The following RGMA variants were observed in gnomAD, a reference collection of about 807,000 sequenced individuals.
The protein encoded by RGMA is repulsive guidance molecule A.
RGMA carries 10 observed loss-of-function variants against 23.2 expected under a neutral mutation model. The observed-to-expected ratio is 0.43, with a 90% CI of 0.27 to 0.73. The LOEUF is 0.73. Ranked by LOEUF, RGMA falls within the 30% of genes least tolerant of loss-of-function variation. RGMA has a pLI of 0.20. For missense variants in RGMA, 547 were observed against 630.5 expected (o/e 0.87, Z 1.42); for synonymous variants, 308 against 279.3 (o/e 1.10, Z -1.03).
rs1054365323 is a variant in RGMA at position 93,052,591 on chromosome 15, C to T, written c.131-84G>A. 1.1e-5 allele frequency: 15 copies of T among 1,380,212 alleles called. No individual in the cohort carries two copies. In the African/African-American group the frequency reaches 2.0e-4, roughly 19 times the overall value. The allele number at this position is 1,380,212 out of a possible 1,614,324, so 85.5% of individuals were successfully genotyped here. A position where few individuals can be genotyped will look rare whatever the true frequency, so the allele number is the denominator to read the frequency against. On this transcript the variant is annotated intron_variant, in intron 2 of 3. Coordinates refer to ENST00000329082, the MANE Select transcript of RGMA (RefSeq NM_020211.3). Reference sequence around the variant, plus strand: ...TACCATCTGTGGGCCAGGGGAGCAGCCACACATCGCCTCATCTAGGGCAGA... The same window carrying T: ...TACCATCTGTGGGCCAGGGGAGCAGTCACACATCGCCTCATCTAGGGCAGA...
At chr15:93,073,286 G>A (rs1320329117) in intron 1 of RGMA, 8 of 812,890 alleles carry the variant, frequency 9.8e-6, no homozygotes, top group Non-Finnish European at 1.3e-5. Context: ...GTTTCAGCGA[G>A]GCCGGCGAGG....
rs1029746501 is a variant in RGMA at position 93,056,726 on chromosome 15, G to T, written c.131-4219C>A. ...CACAGGCCCTGAAGGGAGGTGTCTG[G>T]TTCAAAGTCCCACTCTGTCCCCTAC... On this transcript the variant is annotated intron_variant, in intron 2 of 3. Transcript: ENST00000329082. 3.3e-5 allele frequency among the ~76,000 whole-genome samples: 5 copies of T among 152,114 alleles called. No individual in the cohort carries two copies. The East Asian group carries it at 9.6e-4, about 29-fold the overall frequency.
chr15:93,087,648 A>G (rs1895660584), intron 1 of RGMA, among the ~76,000 whole-genome samples: 2 of 152,092 alleles, frequency 1.3e-5, no homozygotes. Context: ...TGCACAGGAG[A>G]AGACAGAGGT....
At position 93,045,247 on chromosome 15, in the gene RGMA, C is replaced by T. The variant is rs763738089; in HGVS notation, c.1104G>A (p.Leu368=). 2.5e-6 allele frequency: 4 copies of T among 1,613,108 alleles called. No homozygotes were observed. Among genetic ancestry groups the T allele is most frequent in the Non-Finnish European group, 3.4e-6 (4 of 1,179,746 alleles). The change falls in exon 4 of 4, where the codon CTG becomes CTA. Residue 368 remains leucine, a synonymous_variant. Coordinates refer to ENST00000329082, the MANE Select transcript of RGMA (RefSeq NM_020211.3). This position sits in a 1 kb window ranked among gnomAD's most constrained non-coding sequence, Gnocchi z 6.9. ...CCTGGTAGTACAGGTCCTCCACCGG[C>T]AGCTTCTCCTTGCACTTGGCCACGG... ...ETAVAKCKEK[L]PVEDLYYQAC...
At chr15:93,083,931 G>T (rs192135317) in intron 1 of RGMA, among the ~76,000 whole-genome samples, 50 of 152,146 alleles carry the variant, frequency 3.3e-4, no homozygotes, top group Non-Finnish European at 6.5e-4. Context: ...CTAGGAAAAT[G>T]CAATTGCACA....
In RGMA at chr15:93,044,908, G is replaced by A. The variant is rs993187372; in HGVS notation, c.*90C>T. The A allele has an allele frequency of 1.1e-5, 12 of 1,123,166 alleles. No individual in the cohort carries two copies. The highest frequency in any genetic ancestry group is 3.1e-5 in the African/African-American group (2 of 63,832). 69.6% of individuals were successfully genotyped at this position (1,123,166 alleles called of 1,614,324 possible). On this transcript the variant is annotated 3_prime_UTR_variant, in exon 4 of 4. Coordinates refer to ENST00000329082, the MANE Select transcript of RGMA (RefSeq NM_020211.3). ...CGTTCTGCGGGGCCATGGTGGACAC[G>A]CCAGGAGATCTGCACCCCGTGGGCG...
intron 2 of RGMA, among the ~76,000 whole-genome samples, chr15:93,071,163 A>G (rs1055148387): frequency 6.6e-6 from 1 of 152,200 alleles, no homozygotes; most frequent in Non-Finnish European, 1.5e-5. Context: ...CCATTTATCA[A>G]CCCATCTGAT....
At chr15:93,082,689 T>G (rs1485066522) in intron 1 of RGMA, among the ~76,000 whole-genome samples, 3 of 152,200 alleles carry the variant, frequency 2.0e-5, no homozygotes, top group African/African-American at 7.2e-5. Flanking sequence ...ATAAAAACTT[T>G]TTAAGAAGAG....
intron 2 of RGMA, among the ~76,000 whole-genome samples, chr15:93,068,087 G>A (rs1895214466): frequency 6.6e-6 from 1 of 152,134 alleles, no homozygotes; most frequent in African/African-American, 2.4e-5. Context: ...TAAAACTAGG[G>A]TTTTAATCTA....
chr15:93,087,901 C>A (rs1222856812), intron 1 of RGMA, among the ~76,000 whole-genome samples: 1 of 152,108 alleles, frequency 6.6e-6, no homozygotes, highest in African/African-American at 2.4e-5. Flanking sequence ...CAGAGAGCTT[C>A]TGTAGCCTCC....
chr15:93,083,852 C>T (rs529116580), intron 1 of RGMA, among the ~76,000 whole-genome samples: 1 of 145,506 alleles, frequency 6.9e-6, no homozygotes, highest in East Asian at 1.9e-4. Flanking sequence ...AGCCTCTAAG[C>T]TTTGCTTCTC....
chr15:93,072,773 A>C, intron 2 of RGMA, 143 bp downstream of exon 2: 1 of 939,376 alleles, frequency 1.1e-6, no homozygotes, highest in Admixed American at 2.9e-5. Context: ...GGTGCGGGAG[A>C]AACAAAAGAC....
intron 2 of RGMA, among the ~76,000 whole-genome samples, chr15:93,069,459 C>T (rs983064002): frequency 6.6e-6 from 1 of 152,148 alleles, no homozygotes; most frequent in African/African-American, 2.4e-5. Flanking sequence ...ATTTCTATAG[C>T]GACACAGATG....
chr15:93,082,686 C>T (rs914663860), intron 1 of RGMA, among the ~76,000 whole-genome samples: 4 of 152,100 alleles, frequency 2.6e-5, no homozygotes, highest in Non-Finnish European at 5.9e-5. Flanking sequence ...AATATAAAAA[C>T]TTTTTAAGAA....
intron 1 of RGMA, among the ~76,000 whole-genome samples, chr15:93,078,229 G>C (rs1235712349): frequency 6.6e-6 from 1 of 152,152 alleles, no homozygotes; most frequent in African/African-American, 2.4e-5. Context: ...TTCTCTAACA[G>C]ATCCCTGTCT....
Position 93,088,907 on chromosome 15 carries a change from AC to A in RGMA, c.14+11del. 1 of 1,464,566 alleles carries A rather than the reference AC, an allele frequency of 6.8e-7. No individual in the cohort carries two copies. Among genetic ancestry groups the A allele is most frequent in the Non-Finnish European group, 8.9e-7 (1 of 1,117,620 alleles). 90.7% of individuals were successfully genotyped at this position (1,464,566 alleles called of 1,614,324 possible). A position where few individuals can be genotyped will look rare whatever the true frequency, so the allele number is the denominator to read the frequency against. Reference sequence around the variant, plus strand: ...CAGAGCCGGGTCTGCCCGGCTCCCGACCCGCGCTTACCTTGGCGGCTGCATG... The same window carrying A: ...CAGAGCCGGGTCTGCCCGGCTCCCGACCGCGCTTACCTTGGCGGCTGCATG... On this transcript the variant is annotated intron_variant, in intron 1 of 3. Coordinates refer to ENST00000329082, the MANE Select transcript of RGMA (RefSeq NM_020211.3).
chr15:93,082,167 C>A (rs1895569010), intron 1 of RGMA, among the ~76,000 whole-genome samples: 2 of 152,236 alleles, frequency 1.3e-5, no homozygotes, highest in Non-Finnish European at 1.5e-5. Flanking sequence ...CATTTTATAT[C>A]ATGGACAGGA....
At chr15:93,055,910 G>C (rs2055005909) in intron 2 of RGMA, among the ~76,000 whole-genome samples, 1 of 152,230 alleles carries the variant, frequency 6.6e-6, no homozygotes, top group South Asian at 2.1e-4. Context: ...TGTTCTCAGA[G>C]CAGCACCGCA....
At chr15:93,088,765 T>C (rs977664523) in intron 1 of RGMA, 154 bp downstream of exon 1, 19 of 796,388 alleles carry the variant, frequency 2.4e-5, no homozygotes, top group African/African-American at 1.5e-4. Flanking sequence ...GCTAAAGCGA[T>C]AGAGGCGCAG....
Sources: gnomAD v4.1 joint callset for allele counts (sites outside exome capture counted in the v4.1 genomes callset) on GRCh38, gnomAD v4.1.1 for gene constraint, Gnocchi (gnomAD v3.1) non-coding constraint, MANE v1.5 for transcripts, NCBI Gene and HGNC (gene_info 2026-07-23, HGNC 2026-07-21) for gene names.